GPAT3: variants seen among roughly 807,000 people sequenced by gnomAD.
GPAT3 encodes 1-AGP acyltransferase 9.
A neutral mutation model predicts 58.8 loss-of-function variants in GPAT3; 53 were observed. The ratio of observed to expected loss-of-function variants is 0.90; its 90% CI spans 0.72 to 1.13. The LOEUF is 1.13. GPAT3 is among the 50% of genes most tolerant of loss of function. GPAT3 has a pLI of 0.00. For missense variants in GPAT3, 511 were observed against 527.6 expected (o/e 0.97, Z 0.31); for synonymous variants, 197 against 187.4 (o/e 1.05, Z -0.42).
chr4:83,575,200 C>G (rs553376707), intron 2 of GPAT3, among the ~76,000 whole-genome samples: 11 of 152,146 alleles, frequency 7.2e-5, no homozygotes, highest in African/African-American at 2.6e-4. Context: ...GATGCCAAAA[C>G]AAGTATTTCC....
At chr4:83,569,559 TGTGTAGGGAAGCTGCTTCTGCC>T (rs748702396) in intron 2 of GPAT3, among the ~76,000 whole-genome samples, 64 of 152,304 alleles carry the variant, frequency 4.2e-4, no homozygotes, top group Non-Finnish European at 8.1e-4. Context: ...ATCTGTGAGA[TGTGTAGGGAAGCTGCTTCTGCC>T]GTGTAGAGGC....
chr4:83,577,248 A>G (rs1725854514), intron 2 of GPAT3, among the ~76,000 whole-genome samples: 1 of 152,190 alleles, frequency 6.6e-6, no homozygotes. Flanking sequence ...ATTTAAAGAG[A>G]CTAAAATGAC....
chr4:83,600,742 G>T (rs1727026681), intron 11 of GPAT3, among the ~76,000 whole-genome samples: 1 of 152,134 alleles, frequency 6.6e-6, no homozygotes, highest in South Asian at 2.1e-4. Flanking sequence ...CTGACCTCAG[G>T]TGATCCACCT....
chr4:83,549,615 C>T (rs1234911354), intron 2 of GPAT3, among the ~76,000 whole-genome samples: 1 of 150,490 alleles, frequency 6.6e-6, no homozygotes, highest in Non-Finnish European at 1.5e-5. Context: ...TCACTGCAAC[C>T]TCTGCCTCCC....
At chr4:83,582,677 C>A (rs188188662) in intron 3 of GPAT3, among the ~76,000 whole-genome samples, 20 of 152,158 alleles carry the variant, frequency 1.3e-4, no homozygotes, top group Non-Finnish European at 2.5e-4. Context: ...TTTTTACCAC[C>A]CCCAGGGTGG....
At chr4:83,544,470 A>G (rs1425910258) in intron 1 of GPAT3, 66 bp from the exon 2 acceptor site, 22 of 1,480,594 alleles carry the variant, frequency 1.5e-5, no homozygotes, top group Admixed American at 8.4e-5. Flanking sequence ...CTGTATAATC[A>G]TGGTTGAAGT....
chr4:83,551,226 G>C (rs1317100211), intron 2 of GPAT3, among the ~76,000 whole-genome samples: 4 of 152,098 alleles, frequency 2.6e-5, no homozygotes, highest in African/African-American at 9.7e-5. Context: ...CTGTACAGCA[G>C]TTAAACTGAA....
intron 2 of GPAT3, among the ~76,000 whole-genome samples, chr4:83,553,843 C>T (rs149522014): frequency 6.6e-6 from 1 of 151,798 alleles, no homozygotes; most frequent in Admixed American, 6.5e-5. Flanking sequence ...CACCACTGCA[C>T]TCCAGCCTGG....
chr4:83,562,188 TATA>T (rs1325437448), intron 2 of GPAT3, among the ~76,000 whole-genome samples: 3 of 52,774 alleles, frequency 5.7e-5, no homozygotes, highest in Non-Finnish European at 9.6e-5. Context: ...ATTATATATA[TATA>T]TATATATAAT....
chr4:83,552,897 C>G (rs2110077134), intron 2 of GPAT3, among the ~76,000 whole-genome samples: 1 of 152,042 alleles, frequency 6.6e-6, no homozygotes, highest in South Asian at 2.1e-4. Context: ...AAATACGGGC[C>G]CCAGGGAGTT....
chr4:83,604,823 TTTTTG>T lies in GPAT3; in HGVS notation c.*71_*75del, dbSNP rs1727197907. 1.5e-6 allele frequency: 2 copies of T among 1,350,462 alleles called. No individual in the cohort carries two copies. Among genetic ancestry groups the T allele is most frequent in the African/African-American group, 1.5e-5 (1 of 68,322 alleles). The allele number at this position is 1,350,462 out of a possible 1,614,324, so 83.7% of individuals were successfully genotyped here. On this transcript the variant is annotated 3_prime_UTR_variant, in exon 12 of 12. Transcript: ENST00000264409. ...CTAGCCCTTAGAAATGGAATGGCTT[TTTTTG>T]TTTTGTTTTGTTTTATTGTTTTGTT...
At position 83,543,112 on chromosome 4, in the gene GPAT3, C is replaced by T. The variant is rs181524617; in HGVS notation, c.142-1424C>T. Among the ~76,000 whole-genome samples, 535 of 152,200 alleles carry T rather than the reference C, an allele frequency of 3.5e-3. 9 individuals are homozygous for T. The highest frequency in any genetic ancestry group is 9.3e-4 in the Non-Finnish European group (63 of 68,010). ...CTCAGGAGTTTGAGTACAGTCTGGTCGACAAGGTGAAACCCGGTTTTTACA... is the reference window on the plus strand; with the variant it reads ...CTCAGGAGTTTGAGTACAGTCTGGTTGACAAGGTGAAACCCGGTTTTTACA... On this transcript the variant is annotated intron_variant, in intron 1 of 11. Transcript: ENST00000264409.
rs1390702075 is a variant in GPAT3 at position 83,600,396 on chromosome 4, G to A, written c.1205+1673G>A. Among the ~76,000 whole-genome samples the A allele has an allele frequency of 5.9e-5, 9 of 152,218 alleles. No individual in the cohort carries two copies. In the South Asian group the frequency reaches 1.7e-3, roughly 28 times the overall value. On this transcript the variant is annotated intron_variant, in intron 11 of 11. Transcript: ENST00000264409. ...CTCCCAAAGGATCCATCTCCAAATA[G>A]CACCATATTGGTAGTTAGGGCTTTA...
chr4:83,537,244 G>A (rs1317974542), intron 1 of GPAT3, among the ~76,000 whole-genome samples: 1 of 152,196 alleles, frequency 6.6e-6, no homozygotes, highest in Non-Finnish European at 1.5e-5. Context: ...CTGGATGGCA[G>A]AAAGAAATCT....
intron 5 of GPAT3, among the ~76,000 whole-genome samples, chr4:83,588,550 T>C (rs1028505399): frequency 6.6e-6 from 1 of 152,226 alleles, no homozygotes; most frequent in Non-Finnish European, 1.5e-5. Context: ...GGCCAGACCC[T>C]GTGTTTCTTG....
chr4:83,544,776 A>G (rs1191402588), intron 2 of GPAT3, among the ~76,000 whole-genome samples, 174 bp downstream of exon 2: 1 of 152,084 alleles, frequency 6.6e-6, no homozygotes, highest in Non-Finnish European at 1.5e-5. Flanking sequence ...TTTTTATTGT[A>G]AAGGTGGTAA....
rs768358853 is a variant in GPAT3 at position 83,598,630 on chromosome 4, T to G, written c.1126-14T>G. On this transcript the variant is annotated splice_polypyrimidine_tract_variant and intron_variant, in intron 10 of 11. Coordinates refer to ENST00000264409, the MANE Select transcript of GPAT3 (RefSeq NM_032717.5). ...ACTAAGATATTCTTGCAATTTTTTT[T>G]TTTTTTAAACCAGGAAGGAGAAGAT... 1 of 1,603,100 alleles carries G rather than the reference T, an allele frequency of 6.2e-7. No individual in the cohort carries two copies. The highest frequency in any genetic ancestry group is 8.5e-7 in the Non-Finnish European group (1 of 1,175,904).
At chr4:83,583,339 A>G (rs1578190207) in intron 3 of GPAT3, among the ~76,000 whole-genome samples, 1 of 151,872 alleles carries the variant, frequency 6.6e-6, no homozygotes, top group Non-Finnish European at 1.5e-5. Context: ...TGTTCGCTTT[A>G]TAACTAGAGC....
intron 11 of GPAT3, among the ~76,000 whole-genome samples, chr4:83,604,165 G>A (rs967475306): frequency 2.0e-5 from 3 of 152,026 alleles, no homozygotes; most frequent in African/African-American, 7.2e-5. Context: ...TCCACCTCCC[G>A]GGTTCAAGCG....
Sources: allele counts gnomAD v4.1 joint callset (sites outside exome capture counted in the v4.1 genomes callset), GRCh38; gene constraint gnomAD v4.1.1; transcripts MANE v1.5; gene names NCBI Gene and HGNC (gene_info 2026-07-23, HGNC 2026-07-21).